Variants in PAK3 observed in about 807,000 individuals in gnomAD.
PAK3 encodes the protein serine/threonine-protein kinase PAK 3.
In PAK3, 4 loss-of-function variants were observed where a neutral mutation model predicts 41.0. The ratio of observed to expected loss-of-function variants is 0.10; its 90% CI spans 0.05 to 0.22. The LOEUF is 0.22. Ranked by LOEUF, PAK3 falls within the 10% of genes least tolerant of loss-of-function variation. PAK3 has a pLI of 1.00. For missense variants in PAK3, 205 were observed against 409.9 expected (o/e 0.50, Z 4.32); for synonymous variants, 146 against 139.6 (o/e 1.05, Z -0.32).
intron 1 of PAK3, among the ~76,000 whole-genome samples, chrX:111,076,165 G>T (rs906066523): frequency 9.0e-6 from 1 of 111,502 alleles, no homozygotes; most frequent in Non-Finnish European, 1.9e-5. Flanking sequence ...TTAAGTCTTG[G>T]GGGGACTATT....
chrX:110,978,790 ACTGT>A (rs1455133507), intron 1 of PAK3, among the ~76,000 whole-genome samples: 4 of 61,194 alleles, frequency 6.5e-5, no homozygotes, highest in African/African-American at 2.5e-4. Flanking sequence ...TTTCTTTTGT[ACTGT>A]CTTTGTCTGG....
At chrX:110,980,188 T>C (rs2091425317) in intron 1 of PAK3, among the ~76,000 whole-genome samples, 1 of 112,038 alleles carries the variant, frequency 8.9e-6, no homozygotes, top group African/African-American at 3.2e-5. Context: ...AGGGTTCCTA[T>C]GATGAGATTA....
At chrX:111,138,768 A>C (rs1005765693) in intron 5 of PAK3, among the ~76,000 whole-genome samples, 4 of 111,374 alleles carry the variant, frequency 3.6e-5, no homozygotes, top group African/African-American at 1.3e-4. Context: ...CATATCATGC[A>C]GGCCCTTGGA....
chrX:111,189,874 A>G (rs1208100266), intron 11 of PAK3, among the ~76,000 whole-genome samples: 1 of 112,052 alleles, frequency 8.9e-6, no homozygotes, highest in Non-Finnish European at 1.9e-5. Flanking sequence ...TGAAGTCAGG[A>G]ATGTTTGTTC....
chrX:111,113,463 T>C (rs975768164), intron 4 of PAK3, among the ~76,000 whole-genome samples: 1 of 111,388 alleles, frequency 9.0e-6, no homozygotes, highest in African/African-American at 3.3e-5. Flanking sequence ...AACACATTCC[T>C]TGTGTGTGGT....
chrX:111,184,400 C>CT (rs60940644), intron 11 of PAK3, among the ~76,000 whole-genome samples: 110 of 103,445 alleles, frequency 1.1e-3, no homozygotes, highest in East Asian at 7.3e-3. Flanking sequence ...GTGACACTGA[C>CT]TTTTTTTTTT....
intron 1 of PAK3, among the ~76,000 whole-genome samples, chrX:111,042,932 A>G (rs1410208252): frequency 8.9e-6 from 1 of 111,838 alleles, no homozygotes; most frequent in African/African-American, 3.3e-5. Context: ...GAGCAGCCAC[A>G]TGACCACTCC....
chrX:111,102,997 A>AAGAG (rs199853190), intron 3 of PAK3, among the ~76,000 whole-genome samples, 162 bp from the exon 4 acceptor site: 1 of 109,506 alleles, frequency 9.1e-6, no homozygotes, highest in Non-Finnish European at 1.9e-5. Flanking sequence ...GAGATTGAGA[A>AAGAG]AGAGAGAGAG....
chrX:111,097,168 G>T (rs1435744070), intron 1 of PAK3, among the ~76,000 whole-genome samples: 1 of 107,888 alleles, frequency 9.3e-6, no homozygotes, highest in South Asian at 4.3e-4. Context: ...TTAGCTCGCT[G>T]GGGGACATTG....
chrX:111,136,259 C>T (rs1212048960), intron 5 of PAK3, among the ~76,000 whole-genome samples: 3 of 111,289 alleles, frequency 2.7e-5, no homozygotes, highest in Admixed American at 9.5e-5. Context: ...CAAGGGGTGA[C>T]GAAACTATTG....
intron 8 of PAK3, among the ~76,000 whole-genome samples, chrX:111,158,442 A>G (rs766747281): frequency 1.0e-3 from 112 of 112,325 alleles, no homozygotes; most frequent in African/African-American, 3.3e-3. Context: ...GCCCAGTCCC[A>G]GTACTATTTA....
intron 16 of PAK3, among the ~76,000 whole-genome samples, chrX:111,207,095 T>A (rs192096275): frequency 9.2e-6 from 1 of 108,161 alleles, no homozygotes; most frequent in East Asian, 2.9e-4. Context: ...TGTGTGTGTG[T>A]GTGTATATAT....
At chrX:111,175,404 T>C (rs927449794) in intron 11 of PAK3, among the ~76,000 whole-genome samples, 48 of 112,053 alleles carry the variant, frequency 4.3e-4, no homozygotes, top group African/African-American at 1.6e-3. Context: ...TTTGCATACA[T>C]TGGATTAAAG....
intron 1 of PAK3, among the ~76,000 whole-genome samples, chrX:110,980,115 T>C (rs2091424146): frequency 8.9e-6 from 1 of 112,214 alleles, no homozygotes; most frequent in South Asian, 3.7e-4. Context: ...CAAAATATTC[T>C]CATGCCTCAA....
intron 11 of PAK3, among the ~76,000 whole-genome samples, chrX:111,190,903 C>T (rs746864264): frequency 4.6e-4 from 51 of 111,805 alleles, no homozygotes; most frequent in Admixed American, 9.5e-5. Context: ...TCACTAAAAG[C>T]GAAATTGACT....
chrX:111,204,021 G>T (rs1254268957), intron 16 of PAK3, among the ~76,000 whole-genome samples: 1 of 111,683 alleles, frequency 9.0e-6, no homozygotes, highest in Non-Finnish European at 1.9e-5. Context: ...AAAAGGAGGG[G>T]GAAGTTGGGA....
At chrX:111,217,531 T>A in intron 17 of PAK3, 1 of 970,290 alleles carries the variant, frequency 1.0e-6, no homozygotes, top group South Asian at 2.0e-5. Flanking sequence ...CCTGTTCCTG[T>A]TGCTTCTGAA....
chrX:110,999,382 G>A (rs1028293960), intron 1 of PAK3, among the ~76,000 whole-genome samples: 2 of 111,935 alleles, frequency 1.8e-5, no homozygotes, highest in Non-Finnish European at 3.8e-5. Context: ...GCCCAGTGGG[G>A]CTCTTGCATG....
At chrX:110,963,013 T>C (rs1250420495) in intron 1 of PAK3, among the ~76,000 whole-genome samples, 1 of 111,798 alleles carries the variant, frequency 8.9e-6, no homozygotes, top group Non-Finnish European at 1.9e-5. Flanking sequence ...TCAGGGCTGC[T>C]GGTGCCTGTT....
Sources: gnomAD v4.1 joint callset for allele counts (sites outside exome capture counted in the v4.1 genomes callset) on GRCh38, gnomAD v4.1.1 for gene constraint, MANE v1.5 for transcripts, NCBI Gene and HGNC (gene_info 2026-07-23, HGNC 2026-07-21) for gene names.